PCCA: variants seen among roughly 807,000 people sequenced by gnomAD.
The protein encoded by PCCA is propionyl-CoA carboxylase alpha chain, mitochondrial.
PCCA carries 74 observed loss-of-function variants against 101.3 expected under a neutral mutation model. That is an observed-to-expected ratio of 0.73 (90% CI 0.61 to 0.89). PCCA has a LOEUF of 0.89. Among genes scored for constraint, PCCA ranks in the 40% least tolerant of loss-of-function variants. The pLI is 0.00. For synonymous variants in PCCA, 294 were observed against 313.6 expected, an observed-to-expected ratio of 0.94 and a Z score of 0.66; for missense variants, 891 against 907.0, an observed-to-expected ratio of 0.98 and a Z score of 0.23.
intron 16 of PCCA, among the ~76,000 whole-genome samples, chr13:100,321,591 CTG>C (rs35931512): frequency 0.28 from 36,777 of 131,472 alleles, 5,057 homozygotes; most frequent in South Asian, 0.43. Context: ...TATAGAAGAT[CTG>C]TGTGTGTGTG....
At chr13:100,233,416 T>C (rs1264343021) in intron 7 of PCCA, among the ~76,000 whole-genome samples, 2 of 152,186 alleles carry the variant, frequency 1.3e-5, no homozygotes, top group Non-Finnish European at 2.9e-5. Flanking sequence ...TCTTTTGTGA[T>C]GATTGTTGGT....
intron 21 of PCCA, among the ~76,000 whole-genome samples, chr13:100,453,336 A>C (rs1404381319): frequency 6.6e-6 from 1 of 152,152 alleles, no homozygotes; most frequent in Non-Finnish European, 1.5e-5. Flanking sequence ...CCCTGTTTCT[A>C]CTAAAAATAC....
chr13:100,214,369 T>C (rs1051748749), intron 7 of PCCA, among the ~76,000 whole-genome samples: 1 of 152,024 alleles, frequency 6.6e-6, no homozygotes, highest in African/African-American at 2.4e-5. Context: ...TTTGCATCTT[T>C]TGTGTCCTTT....
At chr13:100,336,546 G>C (rs2070483305) in intron 17 of PCCA, among the ~76,000 whole-genome samples, 2 of 152,066 alleles carry the variant, frequency 1.3e-5, no homozygotes, top group Admixed American at 6.6e-5. Flanking sequence ...TTAGGGGTTG[G>C]GACTTTTGCA....
intron 6 of PCCA, among the ~76,000 whole-genome samples, chr13:100,194,128 A>C (rs546935013): frequency 1.3e-5 from 2 of 152,262 alleles, no homozygotes; most frequent in South Asian, 4.1e-4. Context: ...CAGTATTTGA[A>C]ATAAGCTTTA....
At chr13:100,117,527 A>G (rs931094615) in intron 4 of PCCA, among the ~76,000 whole-genome samples, 1 of 152,080 alleles carries the variant, frequency 6.6e-6, no homozygotes, top group African/African-American at 2.4e-5. Flanking sequence ...ACAGGGACAG[A>G]AAACAAAACA....
intron 21 of PCCA, among the ~76,000 whole-genome samples, chr13:100,468,925 C>G (rs886784542): frequency 1.3e-5 from 2 of 151,710 alleles, no homozygotes; most frequent in African/African-American, 2.4e-5. Context: ...AGAAACAATC[C>G]CTTTGACTGG....
At chr13:100,431,614 C>T (rs1364876981) in intron 20 of PCCA, among the ~76,000 whole-genome samples, 1 of 152,166 alleles carries the variant, frequency 6.6e-6, no homozygotes, top group Non-Finnish European at 1.5e-5. Context: ...CGCCTGTAAT[C>T]CCAGCACTTT....
At chr13:100,472,664 G>A (rs1024932106) in intron 21 of PCCA, among the ~76,000 whole-genome samples, 1 of 152,046 alleles carries the variant, frequency 6.6e-6, no homozygotes, top group Non-Finnish European at 1.5e-5. Context: ...GAATAATGAT[G>A]GTGGGCTTTG....
chr13:100,373,465 G>A (rs1216198675), intron 19 of PCCA, among the ~76,000 whole-genome samples: 1 of 152,154 alleles, frequency 6.6e-6, no homozygotes. Context: ...GATGAATCTT[G>A]AGGACATTAT....
intron 18 of PCCA, among the ~76,000 whole-genome samples, chr13:100,366,622 T>C (rs1183208367): frequency 6.6e-6 from 1 of 152,044 alleles, no homozygotes; most frequent in Non-Finnish European, 1.5e-5. Context: ...CTCCTTTTCT[T>C]TCCCTCTCCT....
intron 12 of PCCA, among the ~76,000 whole-genome samples, chr13:100,292,741 A>G (rs1039581219): frequency 6.6e-6 from 1 of 152,194 alleles, no homozygotes; most frequent in Non-Finnish European, 1.5e-5. Context: ...GTGAACAAAC[A>G]TATTTGAAAT....
At chr13:100,264,639 G>A (rs1025901693) in intron 10 of PCCA, among the ~76,000 whole-genome samples, 4 of 152,068 alleles carry the variant, frequency 2.6e-5, no homozygotes, top group African/African-American at 9.7e-5. Context: ...GTTGTTGATG[G>A]ATCTTTGGGT....
intron 12 of PCCA, among the ~76,000 whole-genome samples, chr13:100,281,349 G>A (rs1303498214): frequency 6.6e-6 from 1 of 152,214 alleles, no homozygotes; most frequent in African/African-American, 2.4e-5. Context: ...TATGGCCACA[G>A]TGCATGATAA....
intron 18 of PCCA, among the ~76,000 whole-genome samples, chr13:100,363,711 T>G (rs2152804998): frequency 6.6e-6 from 1 of 152,144 alleles, no homozygotes; most frequent in Middle Eastern, 3.4e-3. Flanking sequence ...ATTTTACTTC[T>G]AAAGAGGTGA....
intron 4 of PCCA, among the ~76,000 whole-genome samples, chr13:100,143,184 G>A (rs1025384096): frequency 2.0e-5 from 3 of 152,138 alleles, no homozygotes; most frequent in Admixed American, 6.5e-5. Context: ...TTAAGGAGTT[G>A]CAGGTAAATT....
At chr13:100,397,738 G>A (rs956132732) in intron 19 of PCCA, among the ~76,000 whole-genome samples, 6 of 152,092 alleles carry the variant, frequency 3.9e-5, no homozygotes, top group Non-Finnish European at 8.8e-5. Context: ...GCGTGGTAAT[G>A]GGTTTATGCT....
chr13:100,452,778 G>A (rs1049549280), intron 21 of PCCA, among the ~76,000 whole-genome samples: 2 of 152,136 alleles, frequency 1.3e-5, no homozygotes, highest in African/African-American at 4.8e-5. Context: ...TGTCTGTTCT[G>A]CTCAGCGTGC....
intron 6 of PCCA, among the ~76,000 whole-genome samples, chr13:100,203,133 G>T (rs1166418497): frequency 6.6e-6 from 1 of 151,954 alleles, no homozygotes; most frequent in Non-Finnish European, 1.5e-5. Flanking sequence ...AATTAGCCGG[G>T]CGTGGTGGTG....
Sources: gnomAD v4.1 joint callset for allele counts (sites outside exome capture counted in the v4.1 genomes callset) on GRCh38, gnomAD v4.1.1 for gene constraint, MANE v1.5 for transcripts, NCBI Gene and HGNC (gene_info 2026-07-23, HGNC 2026-07-21) for gene names.